The following SLC44A5 variants were observed in gnomAD, a reference collection of about 807,000 sequenced individuals.
SLC44A5 encodes the protein choline transporter-like protein 5.
SLC44A5 carries 57 observed loss-of-function variants against 101.8 expected under a neutral mutation model. The observed-to-expected ratio is 0.56, with a 90% confidence interval of 0.45 to 0.70. SLC44A5 has a LOEUF of 0.70. SLC44A5 is among the 30% of genes least tolerant of loss of function. The pLI is 0.00. For missense variants in SLC44A5, 737 were observed against 853.1 expected (o/e 0.86, Z 1.70); for synonymous variants, 281 against 290.9 (o/e 0.97, Z 0.35).
the SLC44A5 span, among the ~76,000 whole-genome samples, chr1:75,680,933 A>T: frequency 2.0e-5 from 3 of 150,558 alleles, no homozygotes; most frequent in African/African-American, 7.3e-5. Flanking sequence ...AGGGGATATC[A>T]CCACCGAACC....
intron 2 of SLC44A5, among the ~76,000 whole-genome samples, chr1:75,422,588 G>A (rs564343724): frequency 6.6e-6 from 1 of 152,108 alleles, no homozygotes; most frequent in Non-Finnish European, 1.5e-5. Context: ...CAGATGTTTT[G>A]ACTGAGGGAC....
chr1:75,685,787 CCTT>C, the SLC44A5 span, among the ~76,000 whole-genome samples: 2 of 152,148 alleles, frequency 1.3e-5, no homozygotes, highest in Non-Finnish European at 2.9e-5. Flanking sequence ...TTTTGGGTAT[CCTT>C]ATAGCAGCAC....
At chr1:75,217,791 T>C in intron 18 of SLC44A5, 75 bp downstream of exon 18, 1 of 940,052 alleles carries the variant, frequency 1.1e-6, no homozygotes. Context: ...TAGTCCAAGT[T>C]ATAATCATCA....
intron 13 of SLC44A5, 78 bp from the exon 14 acceptor site, chr1:75,222,538 G>T: frequency 1.2e-6 from 1 of 810,494 alleles, no homozygotes; most frequent in South Asian, 1.6e-5. Context: ...TGCTAGGATT[G>T]AACTTTATGA....
In SLC44A5 at chr1:75,394,832, C is replaced by T. The variant is rs148183735; in HGVS notation, c.52+1751G>A. Among the ~76,000 whole-genome samples, 698 of 152,056 alleles carry T rather than the reference C, an allele frequency of 4.6e-3. 6 individuals carry two copies. Among genetic ancestry groups the T allele is most frequent in the African/African-American group, 0.016 (672 of 41,476 alleles). The stretch of plus-strand genomic sequence containing the variant: ...CATCCACCCAATTGAAATCCAAGGC[C>T]TGTTTATCCACTCACCCCTGAATAC... On this transcript the variant is annotated intron_variant, in intron 3 of 23. Coordinates refer to ENST00000370859, the MANE Select transcript of SLC44A5 (RefSeq NM_001130058.2).
At chr1:75,565,152 A>G (rs1398007993) in intron 1 of SLC44A5, among the ~76,000 whole-genome samples, 3 of 150,894 alleles carry the variant, frequency 2.0e-5, no homozygotes, top group African/African-American at 7.3e-5. Context: ...TGCCTGCCCC[A>G]AAACCATCAC....
the SLC44A5 span, among the ~76,000 whole-genome samples, chr1:75,699,189 G>A: frequency 4.0e-4 from 61 of 151,896 alleles, no homozygotes; most frequent in Non-Finnish European, 8.8e-5. Flanking sequence ...GCAACTCCAC[G>A]ACACATAATT....
At chr1:75,612,949 C>A (rs1464061945), upstream of SLC44A5, among the ~76,000 whole-genome samples, 1 of 152,108 alleles carries the variant, frequency 6.6e-6, no homozygotes, top group Non-Finnish European at 1.5e-5. Flanking sequence ...ATTCCATTGG[C>A]CTTTCTGAAA....
chr1:75,416,956 G>T (rs1663689194), intron 2 of SLC44A5, among the ~76,000 whole-genome samples: 1 of 152,284 alleles, frequency 6.6e-6, no homozygotes, highest in East Asian at 1.9e-4. Flanking sequence ...GAAGGGATTT[G>T]CCTTGTCACC....
At chr1:75,411,507 G>A (rs993609012) in intron 2 of SLC44A5, among the ~76,000 whole-genome samples, 4 of 152,068 alleles carry the variant, frequency 2.6e-5, no homozygotes, top group Non-Finnish European at 5.9e-5. Flanking sequence ...CAAGTTGAAA[G>A]AGCATGAAGT....
At chr1:75,600,354 T>A (rs999563168) in intron 1 of SLC44A5, among the ~76,000 whole-genome samples, 4 of 152,156 alleles carry the variant, frequency 2.6e-5, no homozygotes, top group Non-Finnish European at 4.4e-5. Context: ...GTTAGAACAG[T>A]AGGACCACTT....
chr1:75,712,265 G>A, the SLC44A5 span, among the ~76,000 whole-genome samples: 3 of 152,178 alleles, frequency 2.0e-5, no homozygotes, highest in Non-Finnish European at 4.4e-5. Flanking sequence ...TCTTATTTGG[G>A]AAAACTGATA....
intron 2 of SLC44A5, among the ~76,000 whole-genome samples, chr1:75,414,435 G>A (rs1663502688): frequency 6.6e-6 from 1 of 151,898 alleles, no homozygotes; most frequent in South Asian, 2.1e-4. Context: ...AATATTTACA[G>A]AGTATCTACA....
intron 2 of SLC44A5, among the ~76,000 whole-genome samples, chr1:75,500,641 T>C (rs1446755718): frequency 6.6e-6 from 1 of 152,186 alleles, no homozygotes; most frequent in Non-Finnish European, 1.5e-5. Context: ...GGTATTTTTG[T>C]TACAGTAGAT....
intron 12 of SLC44A5, among the ~76,000 whole-genome samples, chr1:75,232,786 G>C (rs1317377704): frequency 6.6e-6 from 1 of 152,222 alleles, no homozygotes; most frequent in South Asian, 2.1e-4. Flanking sequence ...TTATAGACGA[G>C]AATACCAGGT....
intron 2 of SLC44A5, among the ~76,000 whole-genome samples, chr1:75,473,197 A>G (rs1667204699): frequency 6.6e-6 from 1 of 152,210 alleles, no homozygotes; most frequent in Non-Finnish European, 1.5e-5. Flanking sequence ...ATTTCCCAAC[A>G]TCTCCAGGGC....
intron 2 of SLC44A5, among the ~76,000 whole-genome samples, chr1:75,477,301 G>T (rs1249367613): frequency 1.3e-5 from 2 of 152,114 alleles, no homozygotes; most frequent in Non-Finnish European, 2.9e-5. Context: ...ACAAAGACGG[G>T]GGAAAAAACA....
At chr1:75,576,174 A>G (rs1302795642) in intron 1 of SLC44A5, among the ~76,000 whole-genome samples, 1 of 152,144 alleles carries the variant, frequency 6.6e-6, no homozygotes, top group Non-Finnish European at 1.5e-5. Context: ...AGTAAAATAA[A>G]AATATTTTTA....
intron 1 of SLC44A5, among the ~76,000 whole-genome samples, chr1:75,556,122 G>T (rs11163664): frequency 0.38 from 57,706 of 151,884 alleles, 11,537 homozygotes; most frequent in Non-Finnish European, 0.46. Context: ...GAAGTCATCA[G>T]AGGTGATGAT....
Sources: gnomAD v4.1 joint callset for allele counts (sites outside exome capture counted in the v4.1 genomes callset) on GRCh38, gnomAD v4.1.1 for gene constraint, MANE v1.5 for transcripts, NCBI Gene and HGNC (gene_info 2026-07-23, HGNC 2026-07-21) for gene names.